The following AP3M2 variants were observed in gnomAD, a reference collection of about 807,000 sequenced individuals.
The protein encoded by AP3M2 is AP-3 complex subunit mu-2.
AP3M2 carries 28 observed loss-of-function variants against 41.6 expected under a neutral mutation model. The ratio of observed to expected loss-of-function variants is 0.67; its 90% CI spans 0.50 to 0.92. AP3M2 has a LOEUF of 0.92. Among genes scored for constraint, AP3M2 ranks in the 40% least tolerant of loss-of-function variants. The probability of loss-of-function intolerance (pLI) is 0.00; values close to 1 mark genes in which losing one functional copy is unlikely to be tolerated. For synonymous variants in AP3M2, 193 were observed against 186.4 expected, an observed-to-expected ratio of 1.04 and a Z score of -0.29; for missense variants, 427 against 521.4, an observed-to-expected ratio of 0.82 and a Z score of 1.76.
intron 4 of AP3M2, among the ~76,000 whole-genome samples, chr8:42,163,422 G>A (rs1748290239): frequency 6.6e-6 from 1 of 152,206 alleles, no homozygotes. Flanking sequence ...TGATGAATAA[G>A]ACATAGTCTA....
intron 2 of AP3M2, chr8:42,155,995 T>C (rs1481500740): frequency 2.2e-6 from 1 of 456,318 alleles, no homozygotes; most frequent in Non-Finnish European, 4.4e-6. Flanking sequence ...TGTTCTGGAA[T>C]TTCAGTTCTC....
intron 2 of AP3M2, among the ~76,000 whole-genome samples, chr8:42,156,249 A>G (rs1489755935): frequency 6.6e-6 from 1 of 152,234 alleles, no homozygotes; most frequent in Non-Finnish European, 1.5e-5. Context: ...TGTTTGATCT[A>G]GTTGAAACCA....
rs1804726944 is a variant in AP3M2 at position 42,169,192 on chromosome 8, C to A, written c.*131C>A. On this transcript the variant is annotated 3_prime_UTR_variant, in exon 9 of 9. Coordinates refer to ENST00000396926, the MANE Select transcript of AP3M2 (RefSeq NM_006803.4). ...CCCACCCGCTCCCTTTTTTCCTTAG[C>A]CTTCAGTGCCATGGAACTAATCAAG... 4 of 640,378 alleles carry A rather than the reference C, an allele frequency of 6.2e-6. No homozygotes were observed. The highest frequency in any genetic ancestry group is 6.2e-5 in the East Asian group (2 of 32,290). The allele number at this position is 640,378 out of a possible 1,614,324, so 39.7% of individuals were successfully genotyped here.
intron 3 of AP3M2, among the ~76,000 whole-genome samples, chr8:42,159,488 T>C (rs1285627642): frequency 6.6e-6 from 1 of 152,254 alleles, no homozygotes; most frequent in African/African-American, 2.4e-5. Flanking sequence ...TCTTTTCAAG[T>C]ATTTATTGAC....
chr8:42,160,982 A>G (rs1682157368), intron 3 of AP3M2, among the ~76,000 whole-genome samples: 1 of 152,220 alleles, frequency 6.6e-6, no homozygotes, highest in African/African-American at 2.4e-5. Context: ...ACTTTAATCT[A>G]GAAAAGGGTA....
In AP3M2 at chr8:42,167,234, G is replaced by A; in HGVS notation, c.874G>A (p.Glu292Lys). The A allele has an allele frequency of 6.2e-7, 1 of 1,614,118 alleles. No individual in the cohort carries two copies. Among genetic ancestry groups the A allele is most frequent in the South Asian group, 1.1e-5 (1 of 91,080 alleles). ...FRDSSSLGRFEITVGPKQTMG... is the reference protein window; with the variant it reads ...FRDSSSLGRFKITVGPKQTMG... ...GGACAGTAGTTCCCTTGGACGCTTT[G>A]AAATAACGGTGGGACCCAAGCAGAC... is the stretch of plus-strand genomic sequence containing the variant. The change falls in exon 7 of 9, where the codon GAA (glutamate) becomes AAA (lysine). Residue 292 changes from glutamate to lysine, a missense_variant. Glu to Lys is a moderately conservative substitution (Grantham distance 56). Around this residue, in one of 3 missense-constraint regions of AP3M2, gnomAD observed 237 missense variants for 284.9 expected, o/e 0.83. Coordinates refer to ENST00000396926, the MANE Select transcript of AP3M2 (RefSeq NM_006803.4).
intron 3 of AP3M2, among the ~76,000 whole-genome samples, chr8:42,159,762 T>C (rs137934696): frequency 6.6e-6 from 1 of 152,372 alleles, no homozygotes; most frequent in African/African-American, 2.4e-5. Context: ...GGGTCTTGTT[T>C]AATGCATAAG....
At chr8:42,155,318 G>A (rs1475972590) in intron 2 of AP3M2, among the ~76,000 whole-genome samples, 2 of 152,184 alleles carry the variant, frequency 1.3e-5, no homozygotes, top group East Asian at 3.8e-4. Flanking sequence ...AGTTGCATCA[G>A]AAAGTGATTG....
intron 4 of AP3M2, 102 bp from the exon 5 acceptor site, chr8:42,164,969 G>A (rs1804601188): frequency 1.0e-6 from 1 of 954,820 alleles, no homozygotes. Flanking sequence ...GAGAGAGGAA[G>A]GTGAGGGAGA....
intron 4 of AP3M2, among the ~76,000 whole-genome samples, chr8:42,162,893 C>A (rs1804542944): frequency 7.1e-6 from 1 of 140,740 alleles, no homozygotes; most frequent in Non-Finnish European, 1.5e-5. Flanking sequence ...TTGCAGTAAG[C>A]CCTGATCATG....
intron 1 of AP3M2, chr8:42,154,179 C>T (rs1402500116): frequency 6.4e-6 from 1 of 157,074 alleles, no homozygotes; most frequent in Admixed American, 6.2e-5. Context: ...TCGCTGGTCC[C>T]ATAGTGGCTA....
At position 42,158,001 on chromosome 8, in the gene AP3M2, G is replaced by C; in HGVS notation, c.334G>C (p.Val112Leu). The change falls in exon 3 of 9, where the codon GTA (valine) becomes CTA (leucine). Residue 112 changes from valine (V) to leucine (L), a missense_variant. Val to Leu is a conservative substitution (Grantham distance 32). This residue lies in a region of AP3M2 where 86 missense variants were observed against 142.6 expected (regional missense o/e 0.60). Transcript: ENST00000396926. ...IKDNVVVVYE[V>L]LEEMLDNGFP... ...AGACAATGTAGTTGTGGTTTATGAG[G>C]TATTGGAAGAGATGCTTGACAATGG... is the stretch of plus-strand genomic sequence containing the variant. 6.2e-7 allele frequency: 1 copy of C among 1,614,140 alleles called. No homozygotes were observed. Among genetic ancestry groups the C allele is most frequent in the Non-Finnish European group, 8.5e-7 (1 of 1,180,024 alleles).
chr8:42,164,860 G>T (rs977465884), intron 4 of AP3M2, among the ~76,000 whole-genome samples: 1 of 152,078 alleles, frequency 6.6e-6, no homozygotes, highest in Non-Finnish European at 1.5e-5. Flanking sequence ...TGCTTGATGT[G>T]CAGTTGATAA....
At chr8:42,168,646 T>G (rs1804704324) in intron 8 of AP3M2, among the ~76,000 whole-genome samples, 1 of 152,252 alleles carries the variant, frequency 6.6e-6, no homozygotes, top group Admixed American at 6.5e-5. Context: ...TTGTTATTCA[T>G]TTTTTCAGTC....
intron 2 of AP3M2, among the ~76,000 whole-genome samples, chr8:42,157,026 A>C (rs996799443): frequency 2.2e-4 from 33 of 152,212 alleles, no homozygotes; most frequent in African/African-American, 6.8e-4. Context: ...AAAAGGAGTA[A>C]ATTTTCCTTC....
At chr8:42,164,978 G>T in intron 4 of AP3M2, 93 bp from the exon 5 acceptor site, 1 of 1,060,538 alleles carries the variant, frequency 9.4e-7, no homozygotes, top group Non-Finnish European at 1.4e-6. Context: ...AGGTGAGGGA[G>T]AGAGGAAGAG....
At position 42,169,102 on chromosome 8, in the gene AP3M2, A is replaced by C; in HGVS notation, c.*41A>C. ...AGGGAATAGTCTTGCACATTTTTTC[A>C]TTTCTTACTTGTCTAAAAGTAAAAA... On this transcript the variant is annotated 3_prime_UTR_variant, in exon 9 of 9. Coordinates refer to ENST00000396926, the MANE Select transcript of AP3M2 (RefSeq NM_006803.4). 1 of 1,521,574 alleles carries C rather than the reference A, an allele frequency of 6.6e-7. No individual in the cohort carries two copies. The highest frequency in any genetic ancestry group is 1.2e-5 in the South Asian group (1 of 85,688). 94.3% of individuals were successfully genotyped at this position (1,521,574 alleles called of 1,614,324 possible). A position where few individuals can be genotyped will look rare whatever the true frequency, so the allele number is the denominator to read the frequency against.
intron 6 of AP3M2, among the ~76,000 whole-genome samples, chr8:42,165,998 T>C (rs746151990): frequency 2.1e-4 from 32 of 152,208 alleles, no homozygotes; most frequent in Non-Finnish European, 4.0e-4. Context: ...TAATTTGGAA[T>C]CTAAAGGCTT....
intron 3 of AP3M2, among the ~76,000 whole-genome samples, chr8:42,160,466 G>C (rs1804479842): frequency 6.6e-6 from 1 of 152,040 alleles, no homozygotes; most frequent in Non-Finnish European, 1.5e-5. Context: ...AAAAAATTAA[G>C]TCCCTCCACT....
Sources: gnomAD v4.1 joint callset for allele counts (sites outside exome capture counted in the v4.1 genomes callset) on GRCh38, gnomAD v4.1.1 for gene constraint, gnomAD v4.1.1 regional missense constraint, MANE v1.5 for transcripts, NCBI Gene and HGNC (gene_info 2026-07-23, HGNC 2026-07-21) for gene names.